The following SLCO1B1 variants were observed in gnomAD, a reference collection of about 807,000 sequenced individuals.
SLCO1B1 encodes the protein solute carrier organic anion transporter family member 1B1.
Under a neutral mutation model 70.1 loss-of-function variants are expected in SLCO1B1, and 81 were observed. The observed-to-expected ratio is 1.16, with a 90% confidence interval of 0.97 to 1.39. The LOEUF is 1.39. SLCO1B1 is among the 40% of genes most tolerant of loss of function. SLCO1B1 has a pLI of 0.00. For synonymous variants in SLCO1B1, 283 were observed against 271.5 expected (o/e 1.04, Z -0.42); for missense variants, 895 against 799.6 (o/e 1.12, Z -1.44).
chr12:21,217,011 A>G lies in SLCO1B1; in HGVS notation c.1498-108A>G. 4.9e-6 allele frequency: 4 copies of G among 820,338 alleles called. No homozygotes were observed. The South Asian group carries it at 5.9e-5, about 12-fold the overall frequency. 50.8% of individuals were successfully genotyped at this position (820,338 alleles called of 1,614,324 possible). On this transcript the variant is annotated intron_variant, in intron 11 of 14. Coordinates refer to ENST00000256958, the MANE Select transcript of SLCO1B1 (RefSeq NM_006446.5). Reference sequence around the variant, plus strand: ...TTTTTAGAATCTTCTTAAACTGTAAATATATTAGTTTGAACAAGTGAGACT... The same window carrying G: ...TTTTTAGAATCTTCTTAAACTGTAAGTATATTAGTTTGAACAAGTGAGACT...
chr12:21,176,105 C>G (rs1446205142), intron 4 of SLCO1B1, among the ~76,000 whole-genome samples: 2 of 152,094 alleles, frequency 1.3e-5, no homozygotes, highest in African/African-American at 4.8e-5. Flanking sequence ...TGTGACAACT[C>G]AGGACCTTAT....
At chr12:21,234,466 C>T (rs1385729996) in intron 14 of SLCO1B1, among the ~76,000 whole-genome samples, 2 of 152,034 alleles carry the variant, frequency 1.3e-5, no homozygotes, top group African/African-American at 2.4e-5. Flanking sequence ...GTCTGTTTCC[C>T]AGGCAAGAAG....
Position 21,217,307 on chromosome 12 carries a change from A to T in SLCO1B1, c.1682+4A>T. The T allele has an allele frequency of 1.2e-6, 2 of 1,612,692 alleles. No homozygotes were observed. The highest frequency in any genetic ancestry group is 2.2e-5 in the South Asian group (2 of 91,064). ...CACATGTCATGCTGATTGTTAAGTAAGTATGACTTTTAAAAACATTTTCAT... is the reference window on the plus strand; with the variant it reads ...CACATGTCATGCTGATTGTTAAGTATGTATGACTTTTAAAAACATTTTCAT... On this transcript the variant is annotated splice_donor_region_variant and intron_variant, in intron 12 of 14. Coordinates refer to ENST00000256958, the MANE Select transcript of SLCO1B1 (RefSeq NM_006446.5).
At chr12:21,149,327 T>C (rs1940435421) in intron 2 of SLCO1B1, among the ~76,000 whole-genome samples, 2 of 152,200 alleles carry the variant, frequency 1.3e-5, no homozygotes, top group Admixed American at 6.5e-5. Context: ...TGCTTCCAGC[T>C]TTCACCCATT....
chr12:21,171,627 A>G (rs1005983357), intron 2 of SLCO1B1, among the ~76,000 whole-genome samples: 1 of 152,184 alleles, frequency 6.6e-6, no homozygotes, highest in Non-Finnish European at 1.5e-5. Context: ...CCACTGGGAA[A>G]TATAGGAGGT....
intron 2 of SLCO1B1, among the ~76,000 whole-genome samples, chr12:21,156,270 T>A (rs544741909): frequency 2.6e-5 from 4 of 152,232 alleles, no homozygotes; most frequent in African/African-American, 9.6e-5. Context: ...TTTGAAACTC[T>A]ACCATATTTG....
intron 14 of SLCO1B1, among the ~76,000 whole-genome samples, chr12:21,232,981 A>AT (rs1455970689): frequency 6.6e-6 from 1 of 152,136 alleles, no homozygotes; most frequent in Non-Finnish European, 1.5e-5. Context: ...TTTTTGCAAG[A>AT]TGCTGCCCAA....
intron 13 of SLCO1B1, among the ~76,000 whole-genome samples, chr12:21,224,384 A>G (rs556917218): frequency 6.6e-6 from 1 of 152,158 alleles, no homozygotes; most frequent in African/African-American, 2.4e-5. Flanking sequence ...CCTAAGAAAA[A>G]TCCCATATTA....
intron 1 of SLCO1B1, among the ~76,000 whole-genome samples, chr12:21,137,526 A>T (rs1940242857): frequency 6.6e-6 from 1 of 151,796 alleles, no homozygotes; most frequent in Non-Finnish European, 1.5e-5. Context: ...CAAACAACTA[A>T]CTCAGCAATG....
intron 9 of SLCO1B1, among the ~76,000 whole-genome samples, chr12:21,201,742 C>A (rs1229901388): frequency 6.6e-6 from 1 of 152,120 alleles, no homozygotes; most frequent in Admixed American, 6.6e-5. Flanking sequence ...TAGAAATTAT[C>A]TGCTCCAACA....
At chr12:21,169,393 C>T (rs1228406531) in intron 2 of SLCO1B1, among the ~76,000 whole-genome samples, 1 of 152,038 alleles carries the variant, frequency 6.6e-6, no homozygotes, top group African/African-American at 2.4e-5. Flanking sequence ...TGGATGGAGT[C>T]CCATAATTTC....
chr12:21,189,338 T>C (rs918807349), intron 7 of SLCO1B1, among the ~76,000 whole-genome samples: 2 of 152,176 alleles, frequency 1.3e-5, no homozygotes, highest in Non-Finnish European at 2.9e-5. Context: ...GTGCTTTTGA[T>C]TTGCATTTCC....
At chr12:21,137,306 T>G (rs912757961) in intron 1 of SLCO1B1, among the ~76,000 whole-genome samples, 1 of 152,136 alleles carries the variant, frequency 6.6e-6, no homozygotes, top group Non-Finnish European at 1.5e-5. Flanking sequence ...GCAGTCTGCC[T>G]GTTCTCAGAT....
At chr12:21,222,427 T>TATATATATACAC (rs1241541102) in intron 13 of SLCO1B1, 63 bp downstream of exon 13, 2 of 101,050 alleles carry the variant, frequency 2.0e-5, no homozygotes, top group Non-Finnish European at 1.7e-5. Context: ...TATATATATA[T>TATATATATACAC]ACACACACAC....
At chr12:21,166,444 T>C (rs893681845) in intron 2 of SLCO1B1, among the ~76,000 whole-genome samples, 1 of 152,028 alleles carries the variant, frequency 6.6e-6, no homozygotes, top group Non-Finnish European at 1.5e-5. Flanking sequence ...AACTCAATAA[T>C]TAGAAAAATA....
rs142087529 is a variant in SLCO1B1 at position 21,141,640 on chromosome 12, A to T, written c.66A>T (p.Arg22Ser). 14 of 1,604,510 alleles carry T rather than the reference A, an allele frequency of 8.7e-6. No individual in the cohort carries two copies. In the African/African-American group the frequency reaches 1.6e-4, roughly 18 times the overall value. Residue 22 changes from arginine to serine, a missense_variant, in exon 2 of 15, where the codon AGA becomes AGT. Physicochemically the swap from Arg to Ser is moderately radical, Grantham distance 110. Coordinates refer to ENST00000256958, the MANE Select transcript of SLCO1B1 (RefSeq NM_006446.5). ...EAQPSENKKT[R>S]YCNGLKMFLA... ...AACCTTCAGAGAATAAGAAAACAAG[A>T]TACTGCAATGGATTGAAGGTAGAAT...
chr12:21,150,913 A>C (rs912972334), intron 2 of SLCO1B1, among the ~76,000 whole-genome samples: 3 of 152,200 alleles, frequency 2.0e-5, no homozygotes, highest in Non-Finnish European at 4.4e-5. Context: ...TCTTTTAATT[A>C]ATACATTTAG....
At chr12:21,142,919 T>G (rs1193305987) in intron 2 of SLCO1B1, among the ~76,000 whole-genome samples, 2 of 151,970 alleles carry the variant, frequency 1.3e-5, no homozygotes, top group East Asian at 3.9e-4. Flanking sequence ...GAAAGGACAT[T>G]AACTGCAGCC....
In SLCO1B1 at chr12:21,174,640, T is replaced by C. The variant is rs865965255; in HGVS notation, c.290T>C (p.Ile97Thr). The change falls in exon 4 of 15, where the codon ATT (isoleucine) becomes ACT (threonine). Residue 97 changes from isoleucine (I) to threonine (T), a missense_variant. Ile to Thr is a moderately conservative substitution (Grantham distance 89). Coordinates refer to ENST00000256958, the MANE Select transcript of SLCO1B1 (RefSeq NM_006446.5). Reference sequence around the variant, plus strand: ...TCCAAACTACATAGACCAAAGTTAATTGGAATCGGTTGTTTCATTATGGGA... The same window carrying C: ...TCCAAACTACATAGACCAAAGTTAACTGGAATCGGTTGTTTCATTATGGGA... Reference protein sequence around the residue: ...FGSKLHRPKLIGIGCFIMGIG... With the variant: ...FGSKLHRPKLTGIGCFIMGIG... The C allele has an allele frequency of 8.1e-6, 13 of 1,613,452 alleles. No individual in the cohort carries two copies. The African/African-American group carries it at 1.3e-4, about 17-fold the overall frequency.
Sources: allele counts gnomAD v4.1 joint callset (sites outside exome capture counted in the v4.1 genomes callset), GRCh38; gene constraint gnomAD v4.1.1; transcripts MANE v1.5; gene names NCBI Gene and HGNC (gene_info 2026-07-23, HGNC 2026-07-21).